The following SLC25A21 variants were observed in gnomAD, a reference collection of about 807,000 sequenced individuals.
SLC25A21 encodes mitochondrial 2-oxodicarboxylate carrier.
In SLC25A21, 47 loss-of-function variants were observed where a neutral mutation model predicts 43.8. The observed-to-expected ratio is 1.07, with a 90% CI of 0.85 to 1.37. The LOEUF is 1.37. Among genes scored for constraint, SLC25A21 ranks in the 40% most tolerant of loss-of-function variants. The probability of loss-of-function intolerance (pLI) is 0.00; values close to 1 mark genes in which losing one functional copy is unlikely to be tolerated. For synonymous variants in SLC25A21, 131 were observed against 121.3 expected (o/e 1.08, Z -0.52); for missense variants, 352 against 350.2 (o/e 1.00, Z -0.04).
At chr14:37,019,889 T>C (rs1960947347) in intron 1 of SLC25A21, among the ~76,000 whole-genome samples, 2 of 151,634 alleles carry the variant, frequency 1.3e-5, no homozygotes, top group South Asian at 4.1e-4. Flanking sequence ...ATGTAAGATA[T>C]AGATGGAATA....
intron 1 of SLC25A21, among the ~76,000 whole-genome samples, chr14:37,109,254 G>A (rs1202415581): frequency 4.6e-5 from 7 of 152,076 alleles, no homozygotes; most frequent in Non-Finnish European, 8.8e-5. Context: ...GATGGTGTGC[G>A]TGATTCTACC....
chr14:36,836,389 T>C (rs1201876139), intron 2 of SLC25A21, among the ~76,000 whole-genome samples: 1 of 152,248 alleles, frequency 6.6e-6, no homozygotes, highest in Non-Finnish European at 1.5e-5. Context: ...CTGTTCAAAA[T>C]ACTGTCTTGT....
chr14:36,711,119 C>T (rs1269946687), intron 7 of SLC25A21, among the ~76,000 whole-genome samples, 199 bp downstream of exon 7: 1 of 152,078 alleles, frequency 6.6e-6, no homozygotes, highest in Non-Finnish European at 1.5e-5. Context: ...GTGAGCTGGG[C>T]AATTTCCTTG....
chr14:36,712,209 A>G (rs1883908713), intron 6 of SLC25A21, among the ~76,000 whole-genome samples: 1 of 152,204 alleles, frequency 6.6e-6, no homozygotes, highest in Non-Finnish European at 1.5e-5. Context: ...CCTGAGATTT[A>G]CAATTCATTA....
At chr14:36,927,349 T>C (rs1892160319) in intron 1 of SLC25A21, among the ~76,000 whole-genome samples, 1 of 152,212 alleles carries the variant, frequency 6.6e-6, no homozygotes, top group African/African-American at 2.4e-5. Flanking sequence ...CAAATCTGCA[T>C]GCTTTCAATA....
chr14:36,873,006 A>G (rs1890418186), intron 2 of SLC25A21, among the ~76,000 whole-genome samples: 1 of 152,214 alleles, frequency 6.6e-6, no homozygotes, highest in African/African-American at 2.4e-5. Context: ...TGAATGAGTG[A>G]CCATAATTCT....
intron 1 of SLC25A21, among the ~76,000 whole-genome samples, chr14:36,926,002 C>T (rs1437824947): frequency 6.6e-6 from 1 of 152,172 alleles, no homozygotes; most frequent in Non-Finnish European, 1.5e-5. Context: ...CATCAACTAA[C>T]TTGACCATAT....
rs375936934 is a variant in SLC25A21, at chr14:36,789,012, G to GA, written c.203+24905dup. Among the ~76,000 whole-genome samples the GA allele has an allele frequency of 6.1e-3, 932 of 152,066 alleles. 4 individuals are homozygous for GA. The highest frequency in any genetic ancestry group is 0.021 in the African/African-American group (877 of 41,494). ...CAACTAAATATCTGCAGATTTCCCA[G>GA]AAAAAAACATATTTACTAATGTCTC... On this transcript the variant is annotated intron_variant, in intron 3 of 9. Coordinates refer to ENST00000331299, the MANE Select transcript of SLC25A21 (RefSeq NM_030631.4).
chr14:37,093,716 G>A (rs568683712), intron 1 of SLC25A21, among the ~76,000 whole-genome samples: 47 of 152,170 alleles, frequency 3.1e-4, no homozygotes, highest in African/African-American at 9.4e-4. Flanking sequence ...AAAAAGTGGG[G>A]GGAGGATGAA....
intron 2 of SLC25A21, among the ~76,000 whole-genome samples, chr14:36,856,260 T>TA (rs1198376493): frequency 6.6e-6 from 1 of 152,164 alleles, no homozygotes; most frequent in Non-Finnish European, 1.5e-5. Context: ...GTAGGCGCTT[T>TA]ATGACCCTAA....
chr14:37,127,431 C>A (rs527624770), intron 1 of SLC25A21, among the ~76,000 whole-genome samples: 7 of 152,354 alleles, frequency 4.6e-5, no homozygotes, highest in Admixed American at 6.5e-5. Flanking sequence ...AACTTTAATG[C>A]TGCACAAAGC....
chr14:36,713,580 G>A (rs1264720999), intron 6 of SLC25A21, among the ~76,000 whole-genome samples: 1 of 152,154 alleles, frequency 6.6e-6, no homozygotes, highest in East Asian at 1.9e-4. Flanking sequence ...ACAGTTCCAA[G>A]TTTGAGTCTC....
At chr14:37,132,215 C>G (rs1963403417) in intron 1 of SLC25A21, among the ~76,000 whole-genome samples, 9 of 152,148 alleles carry the variant, frequency 5.9e-5, no homozygotes, top group Admixed American at 5.9e-4. Context: ...GGTCTTGCCT[C>G]TTAAAGGTCC....
chr14:37,122,541 T>C (rs1198862532), intron 1 of SLC25A21, among the ~76,000 whole-genome samples: 1 of 152,236 alleles, frequency 6.6e-6, no homozygotes, highest in Non-Finnish European at 1.5e-5. Context: ...ACTGTACACA[T>C]TGCCACAGCT....
intron 3 of SLC25A21, among the ~76,000 whole-genome samples, chr14:36,798,622 A>T (rs1887755805): frequency 6.6e-6 from 1 of 152,064 alleles, no homozygotes; most frequent in African/African-American, 2.4e-5. Flanking sequence ...CAGTCACTAA[A>T]TACCGTTTGC....
chr14:36,993,845 AC>A, intron 1 of SLC25A21, among the ~76,000 whole-genome samples: 1 of 152,284 alleles, frequency 6.6e-6, no homozygotes, highest in African/African-American at 2.4e-5. Context: ...ACAATCCTTC[AC>A]CTAAGTTTTC....
At chr14:37,027,555 C>T (rs993351455) in intron 1 of SLC25A21, among the ~76,000 whole-genome samples, 1 of 152,182 alleles carries the variant, frequency 6.6e-6, no homozygotes, top group Non-Finnish European at 1.5e-5. Flanking sequence ...GAAGCAGAGG[C>T]TCCCACAATA....
intron 9 of SLC25A21, among the ~76,000 whole-genome samples, chr14:36,681,273 G>A (rs1344352396): frequency 6.6e-6 from 1 of 152,166 alleles, no homozygotes; most frequent in African/African-American, 2.4e-5. Flanking sequence ...GAGGTTGAAA[G>A]CTAACCTTCA....
chr14:37,007,486 C>T (rs1434762470), intron 1 of SLC25A21, among the ~76,000 whole-genome samples: 2 of 151,466 alleles, frequency 1.3e-5, no homozygotes, highest in Non-Finnish European at 2.9e-5. Context: ...GCCTGTAATC[C>T]TAGCTACTCG....
Sources: gnomAD v4.1 joint callset for allele counts (sites outside exome capture counted in the v4.1 genomes callset) on GRCh38, gnomAD v4.1.1 for gene constraint, MANE v1.5 for transcripts, NCBI Gene and HGNC (gene_info 2026-07-23, HGNC 2026-07-21) for gene names.